Variants in SET observed in about 807,000 individuals in gnomAD.
The protein encoded by SET is SET nuclear proto-oncogene, also known as protein SET.
Under a neutral mutation model 39.0 loss-of-function variants are expected in SET, and 4 were observed. That is an observed-to-expected ratio of 0.10 (90% CI 0.05 to 0.23). The LOEUF is 0.23. SET is among the 10% of genes least tolerant of loss of function. The pLI is 1.00. For missense variants in SET, 137 were observed against 329.7 expected (o/e 0.42, Z 4.53); for synonymous variants, 114 against 115.9 (o/e 0.98, Z 0.11).
intron 1 of SET, among the ~76,000 whole-genome samples, chr9:128,690,887 C>T (rs1258799476): frequency 6.6e-6 from 1 of 152,184 alleles, no homozygotes; most frequent in Non-Finnish European, 1.5e-5. Context: ...CTGTGTCTTT[C>T]ATAGTAGAAA....
At chr9:128,694,526 T>C in intron 7 of SET, 115 bp from the exon 8 acceptor site, 1 of 623,656 alleles carries the variant, frequency 1.6e-6, no homozygotes, top group Non-Finnish European at 2.8e-6. Context: ...TGCAGCTGAC[T>C]TACAGGTTTA....
intron 7 of SET, 108 bp from the exon 8 acceptor site, chr9:128,694,533 T>G: frequency 1.5e-6 from 1 of 661,082 alleles, no homozygotes; most frequent in Non-Finnish European, 2.6e-6. Context: ...GACTTACAGG[T>G]TTAGAAACTG....
At chr9:128,687,251 C>CG (rs1861317705), upstream of SET, among the ~76,000 whole-genome samples, 1 of 151,742 alleles carries the variant, frequency 6.6e-6, no homozygotes, top group Non-Finnish European at 1.5e-5. Context: ...CCCAGATACT[C>CG]GGGAGGCTAA....
chr9:128,689,186 CGCGCGGGG>C (rs1399215184), upstream of SET: 2 of 881,674 alleles, frequency 2.3e-6, no homozygotes, highest in African/African-American at 3.6e-5. Context: ...GCGGAGCATC[CGCGCGGGG>C]CCTGGCGCGC....
Position 128,689,238 on chromosome 9 carries a change from A to C in SET, c.-345A>C. The C allele has an allele frequency of 2.0e-6, 2 of 997,762 alleles. No individual in the cohort carries two copies. The highest frequency in any genetic ancestry group is 2.4e-6 in the Non-Finnish European group (2 of 837,800). The allele number at this position is 997,762 out of a possible 1,614,324, so 61.8% of individuals were successfully genotyped here. A position where few individuals can be genotyped will look rare whatever the true frequency, so the allele number is the denominator to read the frequency against. On this transcript the variant is annotated 5_prime_UTR_variant, in exon 1 of 8. Transcript: ENST00000322030. ...TGCGCCCGCCCCTCGCCGTAGGAGG[A>C]GGTGGAGGAGGAGGCGGCTCGGGAG...
chr9:128,692,397 C>CAAAAAAAAAAAAAAAAAAAA (rs58637669), intron 3 of SET: 1 of 74,592 alleles, frequency 1.3e-5, no homozygotes, highest in Non-Finnish European at 2.3e-5. Flanking sequence ...GAGACTGTTT[C>CAAAAAAAAAAAAAAAAAAAA]AAAAAAAAAA....
In SET at chr9:128,693,882, T is replaced by C. The variant is rs763846815; in HGVS notation, c.664-14T>C. 5.4e-6 allele frequency: 8 copies of C among 1,483,124 alleles called. No homozygotes were observed. The highest frequency in any genetic ancestry group is 6.4e-6 in the Non-Finnish European group (7 of 1,090,984). The allele number at this position is 1,483,124 out of a possible 1,614,324, so 91.9% of individuals were successfully genotyped here. ...TAAAAATGAGTCCTTATATTGTGCT[T>C]TTTTTTTTTTAAGGTTCCCGATATG... On this transcript the variant is annotated splice_polypyrimidine_tract_variant and intron_variant, in intron 6 of 7. Coordinates refer to ENST00000322030, the MANE Select transcript of SET (RefSeq NM_003011.4).
chr9:128,687,790 T>C (rs1481592064), upstream of SET, among the ~76,000 whole-genome samples: 5 of 152,258 alleles, frequency 3.3e-5, no homozygotes, highest in South Asian at 2.1e-4. Flanking sequence ...AGTGGCTGCA[T>C]TGGGGCTCAT....
chr9:128,686,008 C>T (rs572249708), upstream of SET, among the ~76,000 whole-genome samples: 1 of 149,746 alleles, frequency 6.7e-6, no homozygotes, highest in South Asian at 2.1e-4. Context: ...GCCTGGGCGA[C>T]AAGAACAACA....
rs182313945 is a variant in SET, at chr9:128,693,849, C to T, written c.663+41C>T. On this transcript the variant is annotated intron_variant, in intron 6 of 7. Transcript: ENST00000322030. ...CATTTATTCAAGGTTGGACTTGTCT[C>T]GGTTGTTTAAAAATGAGTCCTTATA... The T allele has an allele frequency of 1.7e-3, 2,747 of 1,599,714 alleles. 3 individuals carry two copies. Among genetic ancestry groups the T allele is most frequent in the Non-Finnish European group, 2.1e-3 (2,449 of 1,175,318 alleles).
At chr9:128,684,591 C>T (rs773566927), upstream of SET, among the ~76,000 whole-genome samples, 4 of 152,196 alleles carry the variant, frequency 2.6e-5, no homozygotes, top group Admixed American at 6.6e-5. Context: ...CCCGCCAACC[C>T]GGTCCCCGCC....
chr9:128,686,970 T>C (rs1372275706), upstream of SET, among the ~76,000 whole-genome samples: 3 of 152,098 alleles, frequency 2.0e-5, no homozygotes, highest in South Asian at 2.1e-4. Flanking sequence ...CTCATAATAA[T>C]AACAACAATA....
At chr9:128,692,422 A>AAAAAT in intron 3 of SET, 1 of 262,268 alleles carries the variant, frequency 3.8e-6, no homozygotes, top group Admixed American at 5.1e-5. Context: ...AAAAAAAAAA[A>AAAAAT]CCTCAAAGAC....
At chr9:128,684,590 C>T (rs548212128), upstream of SET, among the ~76,000 whole-genome samples, 26 of 152,088 alleles carry the variant, frequency 1.7e-4, no homozygotes, top group Non-Finnish European at 3.1e-4. Context: ...GCCCGCCAAC[C>T]CGGTCCCCGC....
chr9:128,690,118 G>T (rs1861468139), intron 1 of SET: 2 of 268,572 alleles, frequency 7.4e-6, no homozygotes, highest in African/African-American at 2.3e-5. Flanking sequence ...CCGCCCAGAG[G>T]CTGGCCCCGG....
intron 2 of SET, among the ~76,000 whole-genome samples, chr9:128,691,582 G>C (rs1252051887): frequency 6.6e-6 from 1 of 152,162 alleles, no homozygotes; most frequent in Admixed American, 6.5e-5. Flanking sequence ...GGAAACAATT[G>C]AAATTGGACT....
chr9:128,690,956 TTC>T, intron 1 of SET: 1 of 614,878 alleles, frequency 1.6e-6, no homozygotes, highest in Non-Finnish European at 2.9e-6. Context: ...GAAAACCAAT[TTC>T]TGAGTAAACC....
intron 7 of SET, 87 bp from the exon 8 acceptor site, chr9:128,694,554 A>C (rs765708827): frequency 5.0e-5 from 41 of 818,478 alleles, no homozygotes; most frequent in Non-Finnish European, 7.3e-5. Context: ...GAGTGCCCCC[A>C]GGGGCACTCG....
Position 128,692,003 on chromosome 9 carries a change from A to T in SET, c.274+3A>T, listed in dbSNP as rs1243655626. The T allele has an allele frequency of 6.2e-7, 1 of 1,613,672 alleles. No homozygotes were observed. The highest frequency in any genetic ancestry group is 1.1e-5 in the South Asian group (1 of 91,018). On this transcript the variant is annotated splice_donor_region_variant and intron_variant, in intron 3 of 7. Coordinates refer to ENST00000322030, the MANE Select transcript of SET (RefSeq NM_003011.4). ...AACATTTGTCAACCATCCACAAGGT[A>T]TGTTTTGGACAGGGCATTGTTAAAG... is the stretch of plus-strand genomic sequence containing the variant.
Sources: allele counts gnomAD v4.1 joint callset (sites outside exome capture counted in the v4.1 genomes callset), GRCh38; gene constraint gnomAD v4.1.1; transcripts MANE v1.5; gene names NCBI Gene and HGNC (gene_info 2026-07-23, HGNC 2026-07-21).